SBNO1: variants seen among roughly 807,000 people sequenced by gnomAD.
The protein encoded by SBNO1 is strawberry notch homolog 1, also known as protein strawberry notch homolog 1.
In SBNO1, 23 loss-of-function variants were observed where a neutral mutation model predicts 173.6. The ratio of observed to expected loss-of-function variants is 0.13; its 90% CI spans 0.10 to 0.19. SBNO1 has a LOEUF of 0.19. Ranked by LOEUF, SBNO1 falls within the 10% of genes least tolerant of loss-of-function variation. The probability of loss-of-function intolerance (pLI) is 1.00; values close to 1 mark genes in which losing one functional copy is unlikely to be tolerated. For missense variants in SBNO1, 1,238 were observed against 1,671.2 expected, an observed-to-expected ratio of 0.74 and a Z score of 4.52; for synonymous variants, 632 against 571.5, an observed-to-expected ratio of 1.11 and a Z score of -1.51.
chr12:123,297,855 C>T (rs1442693537), intron 31 of SBNO1, 123 bp downstream of exon 31: 3 of 816,126 alleles, frequency 3.7e-6, no homozygotes, highest in East Asian at 5.0e-5. Flanking sequence ...TAAAACGGGT[C>T]CCATACCCAC....
intron 6 of SBNO1, among the ~76,000 whole-genome samples, chr12:123,335,105 T>C (rs900764941): frequency 6.6e-6 from 1 of 152,150 alleles, no homozygotes; most frequent in African/African-American, 2.4e-5. Flanking sequence ...ACAGGAGGAT[T>C]GCTTGAGCCT....
chr12:123,309,586 T>G lies in SBNO1; in HGVS notation c.3443-3A>C. ...TTTTTCATCTCCAGAACCAAGATCT[T>G]GAACAAGAAAAAGAAACATGTAAAT... On this transcript the variant is annotated splice_polypyrimidine_tract_variant and splice_region_variant and intron_variant, in intron 26 of 31. Coordinates refer to ENST00000602398, the MANE Select transcript of SBNO1 (RefSeq NM_001167856.3). 6.2e-7 allele frequency: 1 copy of G among 1,612,568 alleles called. No individual in the cohort carries two copies. The highest frequency in any genetic ancestry group is 8.5e-7 in the Non-Finnish European group (1 of 1,178,808).
chr12:123,319,843 T>C (rs80058611), intron 20 of SBNO1, 57 bp downstream of exon 20: 65,869 of 1,499,330 alleles, frequency 0.044, 2,456 homozygotes, highest in East Asian at 0.24. Context: ...TTCTAAAGCT[T>C]AATCTAAATA....
rs577157686 is a variant in SBNO1 at position 123,364,283 on chromosome 12, T to G, written c.-1+418A>C. 6.1e-6 allele frequency: 6 copies of G among 985,536 alleles called. No homozygotes were observed. In the South Asian group the frequency reaches 2.3e-4, roughly 39 times the overall value. 61.0% of individuals were successfully genotyped at this position (985,536 alleles called of 1,614,324 possible). ...GGCACGAAAGAGGACTTGGGAAGGA[T>G]CCGGTCCTTACTTTCCCCGCGGGTC... On this transcript the variant is annotated intron_variant, in intron 1 of 31. Coordinates refer to ENST00000602398, the MANE Select transcript of SBNO1 (RefSeq NM_001167856.3).
chr12:123,320,593 T>C lies in SBNO1; in HGVS notation c.2506A>G (p.Asn836Asp), dbSNP rs534419274. ...CTTGTTATAAGGCTACTGTTACTGTTGGTGTTACTGTTAGCTAGATAAAGA... is the reference window on the plus strand; with the variant it reads ...CTTGTTATAAGGCTACTGTTACTGTCGGTGTTACTGTTAGCTAGATAAAGA... ...PNSTPANSNTNSNSSLITSQD... is the reference protein window; with the variant it reads ...PNSTPANSNTDSNSSLITSQD... The change falls in exon 19 of 32, where the codon AAC becomes GAC. Residue 836 changes from asparagine to aspartate, a missense_variant. Physicochemically the swap from Asn to Asp is conservative, Grantham distance 23 (BLOSUM62 1). Around this residue, in one of 14 missense-constraint regions of SBNO1, gnomAD observed 74 missense variants for 68.5 expected, o/e 1.08. Transcript: ENST00000602398. The C allele has an allele frequency of 6.2e-7, 1 of 1,612,018 alleles. No homozygotes were observed. Among genetic ancestry groups the C allele is most frequent in the South Asian group, 1.1e-5 (1 of 90,514 alleles).
intron 1 of SBNO1, chr12:123,364,093 C>A: frequency 4.1e-6 from 4 of 985,506 alleles, no homozygotes; most frequent in Non-Finnish European, 4.8e-6. Context: ...CAGAACTAAG[C>A]GAGTCGCCTG....
rs573182373 is a variant in SBNO1, at chr12:123,290,744, T to G, written c.*5164A>C. On this transcript the variant is annotated 3_prime_UTR_variant, in exon 32 of 32. Transcript: ENST00000602398. ...GTTCCTTAATGTACATTCTCTCTCT[T>G]TTTTTTTTTTCGAGACGGAGTCTCG... 3.3e-5 allele frequency: 5 copies of G among 150,190 alleles called. No individual in the cohort carries two copies. Among genetic ancestry groups the G allele is most frequent in the Non-Finnish European group, 7.4e-5 (5 of 67,388 alleles). The allele number at this position is 150,190 out of a possible 1,614,324, so 9.3% of individuals were successfully genotyped here.
intron 1 of SBNO1, among the ~76,000 whole-genome samples, chr12:123,352,594 G>C (rs865930111): frequency 6.6e-6 from 1 of 152,136 alleles, no homozygotes; most frequent in Non-Finnish European, 1.5e-5. Context: ...TGCCCGGCCT[G>C]AGCATGACTT....
Position 123,334,198 on chromosome 12 carries a change from C to T in SBNO1, c.764G>A (p.Arg255His), listed in dbSNP as rs1328114976. 4.5e-6 allele frequency: 7 copies of T among 1,572,192 alleles called. No homozygotes were observed. Among genetic ancestry groups the T allele is most frequent in the Admixed American group, 1.9e-5 (1 of 51,444 alleles). ...GGTTTCCACTACAGCATCTGGATGA[C>T]GTAGGCCAATTTTTACTAAACAAAA... ...YMPIKLKIGL[R>H]HPDAVVETSS... is the part of the protein sequence containing the mutation. Residue 255 changes from arginine to histidine, a missense_variant, in exon 7 of 32, where the codon CGT (arginine) becomes CAT (histidine). Arg to His is a conservative substitution (Grantham distance 29, BLOSUM62 0). Coordinates refer to ENST00000602398, the MANE Select transcript of SBNO1 (RefSeq NM_001167856.3).
Position 123,321,641 on chromosome 12 carries a change from G to A in SBNO1, c.2217C>T (p.Ala739=), listed in dbSNP as rs1317536720. 2 of 1,613,734 alleles carry A rather than the reference G, an allele frequency of 1.2e-6. No homozygotes were observed. The highest frequency in any genetic ancestry group is 1.3e-5 in the African/African-American group (1 of 74,958). Residue 739 remains alanine, a synonymous_variant, in exon 17 of 32, where the codon GCC becomes GCT. Transcript: ENST00000602398. The part of the protein sequence containing the change: ...SSDDSGSESD[A]SDNEESDYES... ...CATAGTCACTTTCTTCATTATCAGA[G>A]GCATCAGATTCACTTCCACTGTCGT... is the stretch of plus-strand genomic sequence containing the variant.
chr12:123,321,758 T>A (rs1282978513), intron 16 of SBNO1, 26 bp from the exon 17 acceptor site: 1 of 1,585,718 alleles, frequency 6.3e-7, no homozygotes, highest in East Asian at 2.2e-5. Context: ...AACAAGAGAG[T>A]CAGCCCAAAT....
At position 123,309,771 on chromosome 12, in the gene SBNO1, G is replaced by A; in HGVS notation, c.3381C>T (p.Asp1127=). ...CATTTTGAACAACTGCAGTAAGTGTGTCCGCAAAATACTGAAATAACGCAT... is the reference window on the plus strand; with the variant it reads ...CATTTTGAACAACTGCAGTAAGTGTATCCGCAAAATACTGAAATAACGCAT... ...QQNALFQYFA[D]TLTAVVQNAK... The change falls in exon 26 of 32, where the codon GAC becomes GAT. Residue 1127 remains aspartate (D), a synonymous_variant. Transcript: ENST00000602398. 1 of 1,612,994 alleles carries A rather than the reference G, an allele frequency of 6.2e-7. No homozygotes were observed. Among genetic ancestry groups the A allele is most frequent in the African/African-American group, 1.3e-5 (1 of 74,968 alleles).
intron 24 of SBNO1, among the ~76,000 whole-genome samples, chr12:123,311,439 T>G (rs1041090647): frequency 5.3e-5 from 8 of 151,878 alleles, no homozygotes; most frequent in Non-Finnish European, 1.2e-4. Flanking sequence ...CAGTGCGCGA[T>G]CTCAGCTCAC....
At chr12:123,329,795 G>A (rs1871003352) in intron 9 of SBNO1, among the ~76,000 whole-genome samples, 1 of 152,160 alleles carries the variant, frequency 6.6e-6, no homozygotes, top group Non-Finnish European at 1.5e-5. Context: ...GGCTACTAGG[G>A]AGGCCCTTCC....
At chr12:123,357,648 G>A (rs1874617414) in intron 1 of SBNO1, among the ~76,000 whole-genome samples, 1 of 151,922 alleles carries the variant, frequency 6.6e-6, no homozygotes, top group Non-Finnish European at 1.5e-5. Context: ...CCAGCTACTC[G>A]GGAGGCTGAG....
chr12:123,335,728 G>C (rs1490342188), intron 6 of SBNO1, among the ~76,000 whole-genome samples: 1 of 152,158 alleles, frequency 6.6e-6, no homozygotes, highest in Non-Finnish European at 1.5e-5. Context: ...AAAAAAGCGA[G>C]TGGTCCAGAT....
At chr12:123,309,903 A>AT in intron 25 of SBNO1, 47 bp from the exon 26 acceptor site, 1 of 1,403,668 alleles carries the variant, frequency 7.1e-7, no homozygotes, top group Non-Finnish European at 9.8e-7. Flanking sequence ...ATAATTAAAA[A>AT]TTTTTTATTC....
At chr12:123,315,288 A>T in intron 23 of SBNO1, 85 bp downstream of exon 23, 1 of 1,049,218 alleles carries the variant, frequency 9.5e-7, no homozygotes, top group Non-Finnish European at 1.5e-6. Flanking sequence ...GTTTTGTTTT[A>T]GACAGTAACT....
chr12:123,324,659 T>C (rs902369985), intron 15 of SBNO1, among the ~76,000 whole-genome samples: 9 of 152,066 alleles, frequency 5.9e-5, no homozygotes, highest in Non-Finnish European at 1.0e-4. Context: ...AGGCACAAAA[T>C]AGTAGAGCAG....
Sources: gnomAD v4.1 joint callset for allele counts (sites outside exome capture counted in the v4.1 genomes callset) on GRCh38, gnomAD v4.1.1 for gene constraint, gnomAD v4.1.1 regional missense constraint, MANE v1.5 for transcripts, NCBI Gene and HGNC (gene_info 2026-07-23, HGNC 2026-07-21) for gene names.